CRTAC1: variants seen among roughly 807,000 people sequenced by gnomAD.
CRTAC1 encodes the protein acidic secreted protein in cartilage.
In CRTAC1, 37 loss-of-function variants were observed where a neutral mutation model predicts 67.8. That is an observed-to-expected ratio of 0.55 (90% CI 0.42 to 0.72). The LOEUF (loss-of-function observed/expected upper bound fraction) is 0.72, where lower values mean the gene tolerates loss of function less well. CRTAC1 is among the 30% of genes least tolerant of loss of function. The probability of loss-of-function intolerance (pLI) is 0.00; values close to 1 mark genes in which losing one functional copy is unlikely to be tolerated. For missense variants in CRTAC1, 780 were observed against 931.6 expected, an observed-to-expected ratio of 0.84 and a Z score of 2.12; for synonymous variants, 348 against 371.0, an observed-to-expected ratio of 0.94 and a Z score of 0.71.
At chr10:97,904,283 C>T (rs961448556) in intron 7 of CRTAC1, among the ~76,000 whole-genome samples, 11 of 152,166 alleles carry the variant, frequency 7.2e-5, no homozygotes, top group African/African-American at 2.4e-4. Context: ...ACCCCACCCC[C>T]ACTCTGGGCC....
In CRTAC1 at chr10:97,975,134, C is replaced by T. The variant is rs1004823612; in HGVS notation, c.224+36004G>A. ...GAGCCTACAGTTAAATCTGGCTAAA[C>T]GGCAGCATTTAAGGGCCCTGCGAAG... On this transcript the variant is annotated intron_variant, in intron 2 of 14. Transcript: ENST00000370597. This position sits in a 1 kb window ranked among gnomAD's most constrained non-coding sequence, Gnocchi z 4.8. Among the ~76,000 whole-genome samples, 3 of 152,272 alleles carry T rather than the reference C, an allele frequency of 2.0e-5. No homozygotes were observed. Among genetic ancestry groups the T allele is most frequent in the Non-Finnish European group, 2.9e-5 (2 of 68,014 alleles).
chr10:98,019,065 T>C (rs1407933818), intron 1 of CRTAC1, among the ~76,000 whole-genome samples: 2 of 151,862 alleles, frequency 1.3e-5, no homozygotes, highest in African/African-American at 4.8e-5. Flanking sequence ...GAGATGTAAG[T>C]TAGCTGGGGG....
rs1403398843 is a variant in CRTAC1 at position 98,029,709 on chromosome 10, G to A, written c.24+740C>T. Among the ~76,000 whole-genome samples, 3 of 152,168 alleles carry A rather than the reference G, an allele frequency of 2.0e-5. No individual in the cohort carries two copies. The highest frequency in any genetic ancestry group is 6.5e-5 in the Admixed American group (1 of 15,282). ...CCCAACTACTGTACTGCAAAGAAGC[G>A]CGCTGCATTGCTGGGCATGCCCCCA... On this transcript the variant is annotated intron_variant, in intron 1 of 14. Coordinates refer to ENST00000370597, the MANE Select transcript of CRTAC1 (RefSeq NM_018058.7). The surrounding 1 kb of genome is among the most constrained non-coding windows in gnomAD (Gnocchi z 4.7).
chr10:97,914,902 C>T (rs904548604), intron 5 of CRTAC1, among the ~76,000 whole-genome samples: 5 of 152,170 alleles, frequency 3.3e-5, no homozygotes, highest in African/African-American at 9.7e-5. Context: ...GCCCTCGAGT[C>T]CCCCGAGAGC....
At position 97,887,227 on chromosome 10, in the gene CRTAC1, G is replaced by GTTTTT. The variant is rs71007369; in HGVS notation, c.1487-2881_1487-2877dup. On this transcript the variant is annotated intron_variant, in intron 11 of 14. Transcript: ENST00000370597. ...TGCATGTGGTACTTGCGGCACTTAG[G>GTTTTT]TTTTTTTTTTTTTTTTTTCTGTTTT... Among the ~76,000 whole-genome samples, 521 of 127,898 alleles carry GTTTTT rather than the reference G, an allele frequency of 4.1e-3. 3 individuals carry two copies. The highest frequency in any genetic ancestry group is 0.014 in the African/African-American group (469 of 32,636). 83.9% of individuals were successfully genotyped at this position (127,898 alleles called of 152,430 possible).
chr10:97,977,113 AG>A (rs2051818778), intron 2 of CRTAC1, among the ~76,000 whole-genome samples: 2 of 152,212 alleles, frequency 1.3e-5, no homozygotes, highest in African/African-American at 4.8e-5. Flanking sequence ...CTGCCAAATT[AG>A]TATGGGGCTT....
intron 4 of CRTAC1, among the ~76,000 whole-genome samples, chr10:97,923,019 G>A (rs1421121400): frequency 6.6e-6 from 1 of 152,210 alleles, no homozygotes; most frequent in African/African-American, 2.4e-5. Flanking sequence ...ATCCCCACAA[G>A]TGTCCCGAGG....
At chr10:97,952,614 C>T (rs1338036632) in intron 2 of CRTAC1, among the ~76,000 whole-genome samples, 2 of 150,674 alleles carry the variant, frequency 1.3e-5, no homozygotes, top group Non-Finnish European at 2.9e-5. Flanking sequence ...ATTGCTAGAC[C>T]TGGAGTCCAG....
At chr10:97,883,368 G>A (rs1353777109) in intron 12 of CRTAC1, among the ~76,000 whole-genome samples, 1 of 152,228 alleles carries the variant, frequency 6.6e-6, no homozygotes, top group Non-Finnish European at 1.5e-5. Flanking sequence ...TAAGAGTTGG[G>A]AGCCGGCCCT....
chr10:97,996,651 T>A (rs1842576791), intron 2 of CRTAC1, among the ~76,000 whole-genome samples: 1 of 152,200 alleles, frequency 6.6e-6, no homozygotes, highest in African/African-American at 2.4e-5. Context: ...GTAAACTAGT[T>A]CAACCATTGT....
At chr10:97,943,443 T>A (rs910471344) in intron 2 of CRTAC1, among the ~76,000 whole-genome samples, 2 of 152,248 alleles carry the variant, frequency 1.3e-5, no homozygotes, top group Non-Finnish European at 1.5e-5. Context: ...CTCTGAGATA[T>A]GATCATAGAG....
rs1253262772 is a variant in CRTAC1, at chr10:98,029,319, T to A, written c.24+1130A>T. Among the ~76,000 whole-genome samples, 5 of 152,102 alleles carry A rather than the reference T, an allele frequency of 3.3e-5. No homozygotes were observed. The highest frequency in any genetic ancestry group is 7.4e-5 in the Non-Finnish European group (5 of 68,008). ...GACTCAAGAAAACACTATAGAACTG[T>A]CCCCTGTCCTGGGACCCTCTTCCCT... On this transcript the variant is annotated intron_variant, in intron 1 of 14. Transcript: ENST00000370597. This position sits in a 1 kb window ranked among gnomAD's most constrained non-coding sequence, Gnocchi z 4.7.
chr10:97,961,770 T>C (rs1190299994), intron 2 of CRTAC1, among the ~76,000 whole-genome samples: 1 of 152,196 alleles, frequency 6.6e-6, no homozygotes, highest in African/African-American at 2.4e-5. Context: ...CAGTGGCTCA[T>C]GCCTATAAAG....
At chr10:97,943,339 A>T (rs572820317) in intron 2 of CRTAC1, among the ~76,000 whole-genome samples, 1 of 152,348 alleles carries the variant, frequency 6.6e-6, no homozygotes, top group East Asian at 1.9e-4. Flanking sequence ...CTACCCATAT[A>T]AAGGGAGCCA....
intron 2 of CRTAC1, among the ~76,000 whole-genome samples, chr10:97,961,899 T>TG (rs2051531848): frequency 6.6e-6 from 1 of 152,202 alleles, no homozygotes; most frequent in Admixed American, 6.5e-5. Flanking sequence ...CAGGCTAGCG[T>TG]CTAATTTTAA....
At position 98,011,434 on chromosome 10, in the gene CRTAC1, C is replaced by G. The variant is rs976157493; in HGVS notation, c.25-97G>C. ...GGTAGGCCCAGAGTGCCTTTCTCTC[C>G]CATTCATGGAGAGCTTGACAGTGCC... On this transcript the variant is annotated intron_variant, in intron 1 of 14. Transcript: ENST00000370597. 15 of 1,438,256 alleles carry G rather than the reference C, an allele frequency of 1.0e-5. No homozygotes were observed. The Admixed American group carries it at 2.4e-4, about 23-fold the overall frequency. The allele number at this position is 1,438,256 out of a possible 1,614,324, so 89.1% of individuals were successfully genotyped here.
chr10:98,020,791 G>A (rs944280104), intron 1 of CRTAC1, among the ~76,000 whole-genome samples: 8 of 152,380 alleles, frequency 5.3e-5, no homozygotes, highest in Middle Eastern at 3.4e-3. Context: ...TGGTGGGAAG[G>A]AGTGCAGCAA....
intron 2 of CRTAC1, among the ~76,000 whole-genome samples, chr10:97,985,706 A>G (rs1331400179): frequency 6.6e-6 from 1 of 152,066 alleles, no homozygotes; most frequent in Non-Finnish European, 1.5e-5. Flanking sequence ...TCCCAAGAAA[A>G]CCAGCCACAG....
intron 2 of CRTAC1, among the ~76,000 whole-genome samples, chr10:97,984,303 C>T (rs1210711669): frequency 6.6e-6 from 1 of 152,200 alleles, no homozygotes; most frequent in African/African-American, 2.4e-5. Context: ...ATCCATCCAT[C>T]CAAATGAGTG....
Sources: allele counts gnomAD v4.1 joint callset (sites outside exome capture counted in the v4.1 genomes callset), GRCh38; gene constraint gnomAD v4.1.1; non-coding constraint Gnocchi (gnomAD v3.1); transcripts MANE v1.5; gene names NCBI Gene and HGNC (gene_info 2026-07-23, HGNC 2026-07-21).